The following INPP5D variants were observed in gnomAD, a reference collection of about 807,000 sequenced individuals.
INPP5D encodes phosphatidylinositol 3,4,5-trisphosphate 5-phosphatase 1.
Under a neutral mutation model 122.9 loss-of-function variants are expected in INPP5D, and 33 were observed. The observed-to-expected ratio is 0.27, with a 90% confidence interval of 0.20 to 0.36. The LOEUF (loss-of-function observed/expected upper bound fraction) is 0.36, where lower values mean the gene tolerates loss of function less well. Among genes scored for constraint, INPP5D ranks in the 10% least tolerant of loss-of-function variants. The probability of loss-of-function intolerance (pLI) is 1.00; values close to 1 mark genes in which losing one functional copy is unlikely to be tolerated. For missense variants in INPP5D, 1,053 were observed against 1,412.7 expected (o/e 0.75, Z 4.08); for synonymous variants, 584 against 576.2 (o/e 1.01, Z -0.19).
intron 2 of INPP5D, among the ~76,000 whole-genome samples, chr2:233,117,218 T>C (rs1438613859): frequency 6.6e-6 from 1 of 152,134 alleles, no homozygotes; most frequent in African/African-American, 2.4e-5. Flanking sequence ...GCCTGGGCCA[T>C]TAGGAACCAA....
At chr2:233,080,792 G>C (rs775277256) in intron 2 of INPP5D, among the ~76,000 whole-genome samples, 3 of 152,180 alleles carry the variant, frequency 2.0e-5, no homozygotes, top group Non-Finnish European at 2.9e-5. Flanking sequence ...TTGTCAAGAG[G>C]GAGAGCGTGG....
intron 4 of INPP5D, among the ~76,000 whole-genome samples, chr2:233,127,327 C>T (rs1483268711): frequency 6.6e-6 from 1 of 152,212 alleles, no homozygotes; most frequent in Non-Finnish European, 1.5e-5. Flanking sequence ...GTGCAGAGAC[C>T]AAGGAAAGCG....
At chr2:233,079,822 A>G (rs1165353134) in intron 2 of INPP5D, among the ~76,000 whole-genome samples, 1 of 152,228 alleles carries the variant, frequency 6.6e-6, no homozygotes, top group Non-Finnish European at 1.5e-5. Flanking sequence ...GACTAGCACA[A>G]AACAGTGCCT....
chr2:233,108,086 C>T (rs1166873317), intron 2 of INPP5D, among the ~76,000 whole-genome samples: 1 of 152,120 alleles, frequency 6.6e-6, no homozygotes, highest in African/African-American at 2.4e-5. Flanking sequence ...GACCTCCTGT[C>T]CTCCAGGAGG....
intron 17 of INPP5D, among the ~76,000 whole-genome samples, chr2:233,173,872 G>T (rs553956618): frequency 9.2e-5 from 14 of 152,188 alleles, no homozygotes; most frequent in South Asian, 8.3e-4. Context: ...AGCAGAGGTT[G>T]CAGCGAACCG....
At chr2:233,102,957 A>C (rs573781521) in intron 2 of INPP5D, among the ~76,000 whole-genome samples, 1 of 151,668 alleles carries the variant, frequency 6.6e-6, no homozygotes, top group African/African-American at 2.4e-5. Context: ...TTTGTATAAC[A>C]CTCCCCTTCC....
intron 2 of INPP5D, among the ~76,000 whole-genome samples, chr2:233,106,979 G>A (rs1483624033): frequency 6.6e-6 from 1 of 152,220 alleles, no homozygotes. Context: ...GGGGTTCAAA[G>A]CACTTTCTAA....
chr2:233,134,960 G>A (rs1693427694), intron 5 of INPP5D, among the ~76,000 whole-genome samples: 1 of 127,984 alleles, frequency 7.8e-6, no homozygotes, highest in Non-Finnish European at 1.9e-5. Context: ...AAAAGATTAA[G>A]CAAACCTAGA....
chr2:233,125,841 A>G lies in INPP5D; in HGVS notation c.446A>G (p.Asn149Ser). Residue 149 changes from asparagine to serine, a missense_variant, in exon 4 of 27, where the codon AAT becomes AGT. Physicochemically the swap from Asn to Ser is conservative, Grantham distance 46. Transcript: ENST00000445964. ...EAKEVPFSNE[N>S]PRATETSRPS... Reference sequence around the variant, plus strand: ...AAGGAGGTTCCTTTTTCAAACGAGAATCCCCGAGCGACCGAGACCAGCCGG... The same window carrying G: ...AAGGAGGTTCCTTTTTCAAACGAGAGTCCCCGAGCGACCGAGACCAGCCGG... The G allele has an allele frequency of 1.2e-6, 2 of 1,613,752 alleles. No individual in the cohort carries two copies. Among genetic ancestry groups the G allele is most frequent in the Non-Finnish European group, 1.7e-6 (2 of 1,179,808 alleles).
intron 13 of INPP5D, among the ~76,000 whole-genome samples, chr2:233,165,161 G>A (rs576697060): frequency 5.3e-5 from 8 of 152,262 alleles, no homozygotes; most frequent in Admixed American, 5.2e-4. Context: ...GTGTGAGCCT[G>A]TGTAGGTGTG....
rs775800053 is a variant in INPP5D, at chr2:233,189,943, G to T, written c.2446+6G>T. 1 of 1,612,852 alleles carries T rather than the reference G, an allele frequency of 6.2e-7. No individual in the cohort carries two copies. Among genetic ancestry groups the T allele is most frequent in the Non-Finnish European group, 8.5e-7 (1 of 1,179,440 alleles). On this transcript the variant is annotated splice_donor_region_variant and intron_variant, in intron 22 of 26. Coordinates refer to ENST00000445964, the MANE Select transcript of INPP5D (RefSeq NM_001017915.3). This position sits in a 1 kb window ranked among gnomAD's most constrained non-coding sequence, Gnocchi z 5.6. ...TGACAGCGACGAATCCTATGGTAAG[G>T]GTCTGTGGGCAGGTGCCACACCTGC...
At chr2:233,073,812 A>C (rs918280994) in intron 1 of INPP5D, among the ~76,000 whole-genome samples, 1 of 151,916 alleles carries the variant, frequency 6.6e-6, no homozygotes, top group Admixed American at 6.6e-5. Flanking sequence ...CACTTTCTCC[A>C]ATCCATAGCT....
chr2:233,065,821 A>G (rs931183148), intron 1 of INPP5D, among the ~76,000 whole-genome samples: 6 of 150,722 alleles, frequency 4.0e-5, no homozygotes, highest in African/African-American at 1.5e-4. Context: ...TAATTTTTGT[A>G]TTTTTAGTAG....
intron 25 of INPP5D, among the ~76,000 whole-genome samples, chr2:233,199,935 C>T (rs1056742080): frequency 1.3e-5 from 2 of 152,210 alleles, no homozygotes; most frequent in African/African-American, 2.4e-5. Context: ...AGAGCCTGCT[C>T]GCACCCTCCA....
intron 13 of INPP5D, among the ~76,000 whole-genome samples, chr2:233,168,179 T>G (rs1694399296): frequency 6.6e-6 from 1 of 152,236 alleles, no homozygotes; most frequent in South Asian, 2.1e-4. Context: ...TTAATTTCAA[T>G]AATAGATTTT....
intron 9 of INPP5D, among the ~76,000 whole-genome samples, chr2:233,155,406 T>G (rs1694023540): frequency 1.3e-5 from 2 of 152,074 alleles, no homozygotes; most frequent in East Asian, 3.9e-4. Flanking sequence ...GTGGAACACT[T>G]GAGGTCAGGA....
chr2:233,134,803 TAAAC>T (rs1486482197), intron 5 of INPP5D, among the ~76,000 whole-genome samples: 4 of 152,202 alleles, frequency 2.6e-5, no homozygotes, highest in Non-Finnish European at 4.4e-5. Context: ...AGATTTTTAA[TAAAC>T]AAACCAAAAC....
intron 9 of INPP5D, among the ~76,000 whole-genome samples, chr2:233,154,396 G>T (rs1693996374): frequency 6.6e-6 from 1 of 152,188 alleles, no homozygotes; most frequent in Non-Finnish European, 1.5e-5. Context: ...TGATCTGCCT[G>T]CCTTGGCCTC....
At chr2:233,089,778 A>G (rs749378242) in intron 2 of INPP5D, among the ~76,000 whole-genome samples, 1 of 152,208 alleles carries the variant, frequency 6.6e-6, no homozygotes, top group Non-Finnish European at 1.5e-5. Flanking sequence ...TCCCTCCTTC[A>G]TAGGATGTTC....
Sources: gnomAD v4.1 joint callset for allele counts (sites outside exome capture counted in the v4.1 genomes callset) on GRCh38, gnomAD v4.1.1 for gene constraint, Gnocchi (gnomAD v3.1) non-coding constraint, MANE v1.5 for transcripts, NCBI Gene and HGNC (gene_info 2026-07-23, HGNC 2026-07-21) for gene names.